Variants in NAPA observed in about 807,000 individuals in gnomAD.
The protein encoded by NAPA is NSF attachment protein alpha, also known as alpha-soluble NSF attachment protein.
Under a neutral mutation model 48.0 loss-of-function variants are expected in NAPA, and 18 were observed. That is an observed-to-expected ratio of 0.38 (90% CI 0.26 to 0.56). The LOEUF (loss-of-function observed/expected upper bound fraction) is 0.56, where lower values mean the gene tolerates loss of function less well. Among genes scored for constraint, NAPA ranks in the 20% least tolerant of loss-of-function variants. The pLI is 0.77. For synonymous variants in NAPA, 152 were observed against 149.9 expected (o/e 1.01, Z -0.10); for missense variants, 315 against 385.0 (o/e 0.82, Z 1.52).
intron 4 of NAPA, among the ~76,000 whole-genome samples, chr19:47,494,272 A>T (rs1968357926): frequency 6.6e-6 from 1 of 152,158 alleles, no homozygotes; most frequent in Non-Finnish European, 1.5e-5. Context: ...AATAATGCCA[A>T]CCTCACAGGG....
rs1237055255 is a variant in NAPA at position 47,506,625 on chromosome 19, G to A, written c.99-3123C>T. ...GCCCACAGCGGGCAATCAACAATGA[G>A]CAGAGTCAGCCCAGCCGGGTTTATT... On this transcript the variant is annotated intron_variant, in intron 1 of 10. Transcript: ENST00000263354. The surrounding 1 kb of genome is among the most constrained non-coding windows in gnomAD (Gnocchi z 4.0). Among the ~76,000 whole-genome samples the A allele has an allele frequency of 6.6e-6, 1 of 152,218 alleles. No homozygotes were observed. Among genetic ancestry groups the A allele is most frequent in the Non-Finnish European group, 1.5e-5 (1 of 68,046 alleles).
At chr19:47,487,056 C>G (rs750953692), downstream of NAPA, among the ~76,000 whole-genome samples, 8 of 152,312 alleles carry the variant, frequency 5.3e-5, no homozygotes, top group Non-Finnish European at 7.4e-5. Flanking sequence ...ACAGGGCCCC[C>G]AACATGCACA....
chr19:47,488,593 T>TG, intron 10 of NAPA: 1 of 391,864 alleles, frequency 2.6e-6, no homozygotes, highest in East Asian at 3.8e-5. Context: ...TCATTTCCCT[T>TG]GGGGGAGAAA....
chr19:47,509,170 C>T (rs556428368), intron 1 of NAPA, among the ~76,000 whole-genome samples: 1 of 152,080 alleles, frequency 6.6e-6, no homozygotes, highest in South Asian at 2.1e-4. Context: ...CAATACTTGG[C>T]ACAGAGCGCA....
At chr19:47,503,321 A>C in intron 2 of NAPA, 102 bp downstream of exon 2, 1 of 1,051,802 alleles carries the variant, frequency 9.5e-7, no homozygotes, top group Non-Finnish European at 1.5e-6. Flanking sequence ...GGGCATACAA[A>C]GAGAAAGGGC....
intron 1 of NAPA, among the ~76,000 whole-genome samples, chr19:47,508,948 T>C (rs1232109264): frequency 2.0e-5 from 3 of 152,016 alleles, no homozygotes; most frequent in Admixed American, 6.6e-5. Flanking sequence ...TGGTGGCATA[T>C]GCCTACAGTC....
intron 1 of NAPA, chr19:47,507,017 A>G (rs994741750): frequency 2.0e-5 from 3 of 152,260 alleles, no homozygotes; most frequent in Non-Finnish European, 2.9e-5. Flanking sequence ...GCCAGGAGAT[A>G]ACAACAGTAC....
chr19:47,510,314 C>G lies in NAPA; in HGVS notation c.98+4529G>C, dbSNP rs565939747. Among the ~76,000 whole-genome samples, 8 of 152,382 alleles carry G rather than the reference C, an allele frequency of 5.2e-5. No individual in the cohort carries two copies. In the East Asian group the frequency reaches 1.5e-3, roughly 29 times the overall value. On this transcript the variant is annotated intron_variant, in intron 1 of 10. Transcript: ENST00000263354. ...CGTTATTGCCTACAGGTAGTTCAAA[C>G]AGGAACTGATTTGTCAAGATCTGAT...
At chr19:47,494,735 CAAAAAAAAAAAA>C (rs11462456) in intron 4 of NAPA, among the ~76,000 whole-genome samples, 1 of 67,204 alleles carries the variant, frequency 1.5e-5, no homozygotes, top group Non-Finnish European at 2.7e-5. Context: ...AACTCTGTCT[CAAAAAAAAAAAA>C]AAAAAAAAAA....
chr19:47,510,959 C>G (rs1423290160), intron 1 of NAPA, among the ~76,000 whole-genome samples: 2 of 152,236 alleles, frequency 1.3e-5, no homozygotes, highest in African/African-American at 4.8e-5. Flanking sequence ...GCATCAAAGC[C>G]CCCTAGCGTC....
chr19:47,487,144 C>T, downstream of NAPA, among the ~76,000 whole-genome samples: 1 of 152,202 alleles, frequency 6.6e-6, no homozygotes, highest in Non-Finnish European at 1.5e-5. Context: ...TCCCCCACTC[C>T]CCAGACCCAC....
In NAPA at chr19:47,495,838, T is replaced by C. The variant is rs748612703; in HGVS notation, c.296-242A>G. The C allele has an allele frequency of 3.5e-4, 189 of 539,452 alleles. 1 individual carries two copies. Among genetic ancestry groups the C allele is most frequent in the Non-Finnish European group, 5.5e-4 (164 of 299,350 alleles). 33.4% of individuals were successfully genotyped at this position (539,452 alleles called of 1,614,324 possible). A position where few individuals can be genotyped will look rare whatever the true frequency, so the allele number is the denominator to read the frequency against. On this transcript the variant is annotated intron_variant, in intron 3 of 10. Transcript: ENST00000263354. ...CTGTGACTTGCTGGGCACATGCTTC[T>C]GGGGGAGCCCTTCTCTCCTCGGGCT...
Position 47,499,488 on chromosome 19 carries a change from C to T in NAPA, c.295+1145G>A, listed in dbSNP as rs56264740. ...CCCTGGGTCATCACTGCATCAACCA[C>T]GCAGCCTGCTGTGGCCCAGTGCTAC... is the stretch of plus-strand genomic sequence containing the variant. On this transcript the variant is annotated intron_variant, in intron 3 of 10. Coordinates refer to ENST00000263354, the MANE Select transcript of NAPA (RefSeq NM_003827.4). Among the ~76,000 whole-genome samples, 498 of 152,352 alleles carry T rather than the reference C, an allele frequency of 3.3e-3. 2 individuals carry two copies. The highest frequency in any genetic ancestry group is 0.011 in the African/African-American group (468 of 41,570).
intron 1 of NAPA, chr19:47,505,468 T>A (rs1968675006): frequency 6.6e-6 from 1 of 152,230 alleles, no homozygotes; most frequent in East Asian, 1.9e-4. Context: ...TTCAGCCACA[T>A]GAAGTGCTCA....
intron 4 of NAPA, among the ~76,000 whole-genome samples, chr19:47,494,747 AAAAAAAAAAAAG>A (rs1968373652): frequency 6.9e-6 from 1 of 145,212 alleles, no homozygotes; most frequent in South Asian, 2.2e-4. Flanking sequence ...AAAAAAAAAA[AAAAAAAAAAAAG>A]AGAGAGAGAG....
At chr19:47,491,974 G>C in intron 8 of NAPA, 41 bp downstream of exon 8, 1 of 1,566,840 alleles carries the variant, frequency 6.4e-7, no homozygotes, top group African/African-American at 1.3e-5. Flanking sequence ...TAAGCACATG[G>C]TGGCCTGGTG....
Position 47,500,699 on chromosome 19 carries a change from T to C in NAPA, c.229A>G (p.Ser77Gly). 1.2e-6 allele frequency: 2 copies of C among 1,611,996 alleles called. No individual in the cohort carries two copies. Among genetic ancestry groups the C allele is most frequent in the Non-Finnish European group, 1.7e-6 (2 of 1,179,076 alleles). The change falls in exon 3 of 11, where the codon AGC becomes GGC. Residue 77 changes from serine (S) to glycine (G), a missense_variant. Physicochemically the swap from Ser to Gly is moderately conservative, Grantham distance 56 (BLOSUM62 0). Coordinates refer to ENST00000263354, the MANE Select transcript of NAPA (RefSeq NM_003827.4). ...AAGCAGGTGGCTGCGTCGTGCTTGC[T>C]CTGGAGCTGCAGGTGCAGCTGTGCA... The part of the protein sequence containing the change: ...QAAQLHLQLQ[S>G]KHDAATCFVD...
downstream of NAPA, among the ~76,000 whole-genome samples, chr19:47,485,449 A>G (rs1441789834): frequency 2.6e-5 from 4 of 152,134 alleles, no homozygotes; most frequent in Admixed American, 2.6e-4. Context: ...CTAGAAGGCC[A>G]TGGAGGTTTG....
Position 47,493,227 on chromosome 19 carries a change from G to A in NAPA, c.421-53C>T, listed in dbSNP as rs918480311. On this transcript the variant is annotated intron_variant, in intron 5 of 10. Coordinates refer to ENST00000263354, the MANE Select transcript of NAPA (RefSeq NM_003827.4). This position sits in a 1 kb window ranked among gnomAD's most constrained non-coding sequence, Gnocchi z 6.4. ...GGGGAGGGCAGGGAAGGGAGAGGAG[G>A]CCTCCGTGAAGCTTCCACACCCTCC... is the stretch of plus-strand genomic sequence containing the variant. 2.6e-6 allele frequency: 4 copies of A among 1,543,358 alleles called. No homozygotes were observed. The highest frequency in any genetic ancestry group is 3.5e-6 in the Non-Finnish European group (4 of 1,135,404).
Sources: gnomAD v4.1 joint callset for allele counts (sites outside exome capture counted in the v4.1 genomes callset) on GRCh38, gnomAD v4.1.1 for gene constraint, Gnocchi (gnomAD v3.1) non-coding constraint, MANE v1.5 for transcripts, NCBI Gene and HGNC (gene_info 2026-07-23, HGNC 2026-07-21) for gene names.